WDR4: variants seen among roughly 807,000 people sequenced by gnomAD.
WDR4 encodes the protein tRNA (guanine-N(7)-)-methyltransferase non-catalytic subunit WDR4.
Under a neutral mutation model 48.6 loss-of-function variants are expected in WDR4, and 47 were observed. That is an observed-to-expected ratio of 0.97 (90% CI 0.77 to 1.23). The LOEUF (loss-of-function observed/expected upper bound fraction) is 1.23. Among genes scored for constraint, WDR4 ranks in the 50% most tolerant of loss-of-function variants. The pLI, the probability that WDR4 is intolerant of heterozygous loss-of-function variation, is 0.00. For synonymous variants in WDR4, 268 were observed against 230.0 expected, an observed-to-expected ratio of 1.17 and a Z score of -1.49; for missense variants, 606 against 551.6, an observed-to-expected ratio of 1.10 and a Z score of -0.99.
chr21:42,843,406 CTTTTTTTTTTTTTTTTTT>C (rs532319764), intron 11 of WDR4: 1 of 72,238 alleles, frequency 1.4e-5, no homozygotes, highest in African/African-American at 6.0e-5. Context: ...CACTGGTGTG[CTTTTTTTTTTTTTTTTTT>C]TTTTTTTTGA....
At chr21:42,890,429 G>A in the WDR4 span, among the ~76,000 whole-genome samples, 3 of 151,992 alleles carry the variant, frequency 2.0e-5, no homozygotes, top group Non-Finnish European at 2.9e-5. Flanking sequence ...CCAGCTACTC[G>A]GGAGGTTGAA....
Position 42,879,464 on chromosome 21 carries a change from C to T in WDR4, c.32G>A (p.Gly11Glu), listed in dbSNP as rs575900249. Residue 11 changes from glycine to glutamate, a missense_variant, in exon 1 of 11, where the codon GGG (glycine) becomes GAG (glutamate). Coordinates refer to ENST00000398208, the MANE Select transcript of WDR4 (RefSeq NM_018669.6). Reference sequence around the variant, plus strand: ...GCCGCCCCGCACCACCAACGTCTGCCCGCACAACGCCAGTCCCACAGAGCC... The same window carrying T: ...GCCGCCCCGCACCACCAACGTCTGCTCGCACAACGCCAGTCCCACAGAGCC... MAGSVGLALC[G>E]QTLVVRGGSR... 5.6e-6 allele frequency: 9 copies of T among 1,613,724 alleles called. No individual in the cohort carries two copies. The highest frequency in any genetic ancestry group is 4.0e-5 in the African/African-American group (3 of 75,038).
chr21:42,878,914 G>A (rs1308480763), intron 1 of WDR4: 1 of 975,390 alleles, frequency 1.0e-6, no homozygotes, highest in Non-Finnish European at 1.2e-6. Flanking sequence ...CGGGAAGAGG[G>A]AACAGACAAC....
chr21:42,881,092 G>A, upstream of WDR4, among the ~76,000 whole-genome samples: 1 of 152,136 alleles, frequency 6.6e-6, no homozygotes, highest in East Asian at 1.9e-4. Context: ...TTTTTCAGTG[G>A]AGACGGGGTT....
chr21:42,852,847 G>A (rs1304054003), intron 9 of WDR4, among the ~76,000 whole-genome samples: 7 of 151,986 alleles, frequency 4.6e-5, no homozygotes, highest in Middle Eastern at 3.4e-3. Flanking sequence ...CCCGGGAGGC[G>A]GAGGTCGCGG....
chr21:42,889,687 A>G, the WDR4 span, among the ~76,000 whole-genome samples: 2 of 152,172 alleles, frequency 1.3e-5, no homozygotes, highest in Admixed American at 1.3e-4. Flanking sequence ...ATTTGAAATT[A>G]TGCCTGTAAC....
upstream of WDR4, among the ~76,000 whole-genome samples, chr21:42,881,334 A>C (rs1215760140): frequency 1.3e-5 from 2 of 152,196 alleles, no homozygotes; most frequent in Non-Finnish European, 2.9e-5. Flanking sequence ...CTTGTTACCA[A>C]CTATTGGGTC....
upstream of WDR4, among the ~76,000 whole-genome samples, chr21:42,883,420 T>C (rs1358725564): frequency 6.6e-6 from 1 of 151,534 alleles, no homozygotes; most frequent in African/African-American, 2.4e-5. Flanking sequence ...AAAGACCCAT[T>C]AATTTCATGG....
At chr21:42,873,060 G>A (rs1283612582) in intron 3 of WDR4, among the ~76,000 whole-genome samples, 3 of 152,112 alleles carry the variant, frequency 2.0e-5, no homozygotes, top group East Asian at 1.9e-4. Context: ...CCATCCCCAC[G>A]GATCCACTCC....
upstream of WDR4, among the ~76,000 whole-genome samples, chr21:42,883,170 G>A (rs2058619601): frequency 6.6e-6 from 1 of 150,676 alleles, no homozygotes; most frequent in East Asian, 1.9e-4. Context: ...AGATACTCAG[G>A]AGGCTGAGGT....
At chr21:42,859,640 T>C in intron 6 of WDR4, 22 bp downstream of exon 6, 1 of 1,213,860 alleles carries the variant, frequency 8.2e-7, no homozygotes, top group Non-Finnish European at 1.1e-6. Flanking sequence ...CAGAGGTGAG[T>C]GACGCTGGGC....
chr21:42,848,419 TCACA>T (rs561026268), downstream of WDR4, among the ~76,000 whole-genome samples: 1 of 72,224 alleles, frequency 1.4e-5, no homozygotes, highest in Non-Finnish European at 2.7e-5. Context: ...CGCACCTCAC[TCACA>T]CAGCGCACAA....
chr21:42,859,597 G>GGGCCCCCCCCC, intron 6 of WDR4, 65 bp downstream of exon 6: 1 of 708,190 alleles, frequency 1.4e-6, no homozygotes. Context: ...TCCAGGAGGC[G>GGGCCCCCCCCC]CCCACCCCAC....
chr21:42,861,030 G>A (rs1163307177), intron 5 of WDR4, among the ~76,000 whole-genome samples: 1 of 152,196 alleles, frequency 6.6e-6, no homozygotes, highest in Admixed American at 6.5e-5. Flanking sequence ...TAAACGGGCA[G>A]GCCGGGCACG....
At chr21:42,852,439 C>T (rs2057858422) in intron 9 of WDR4, 115 bp from the exon 10 acceptor site, 2 of 1,181,132 alleles carry the variant, frequency 1.7e-6, no homozygotes, top group Admixed American at 2.3e-5. Flanking sequence ...CTCCTGGTGC[C>T]TGGGGACCCC....
At chr21:42,854,540 T>G in intron 8 of WDR4, 22 bp downstream of exon 8, 1 of 1,610,334 alleles carries the variant, frequency 6.2e-7, no homozygotes, top group Non-Finnish European at 8.5e-7. Flanking sequence ...CCGGAGGCCA[T>G]AGAGGTGCCG....
chr21:42,879,614 T>G, upstream of WDR4: 1 of 1,275,442 alleles, frequency 7.8e-7, no homozygotes, highest in Non-Finnish European at 1.1e-6. Context: ...GTACCGCGCA[T>G]GCTCAAGGAC....
chr21:42,879,582 C>A, upstream of WDR4: 1 of 1,513,914 alleles, frequency 6.6e-7, no homozygotes, highest in South Asian at 1.2e-5. Context: ...GCGCAGACGC[C>A]GAGAGATGAC....
At position 42,862,182 on chromosome 21, in the gene WDR4, G is replaced by C; in HGVS notation, c.566+100C>G. Reference sequence around the variant, plus strand: ...AAGCACGGGGGCTGCTGTCACCCGCGTGGGGCCTCGCCAGCTACAACGGCA... The same window carrying C: ...AAGCACGGGGGCTGCTGTCACCCGCCTGGGGCCTCGCCAGCTACAACGGCA... On this transcript the variant is annotated intron_variant, in intron 5 of 10. Transcript: ENST00000398208. This position sits in a 1 kb window ranked among gnomAD's most constrained non-coding sequence, Gnocchi z 4.3. The C allele has an allele frequency of 9.1e-7, 1 of 1,098,684 alleles. No homozygotes were observed. Among genetic ancestry groups the C allele is most frequent in the South Asian group, 1.5e-5 (1 of 67,914 alleles). 68.1% of individuals were successfully genotyped at this position (1,098,684 alleles called of 1,614,324 possible). A position where few individuals can be genotyped will look rare whatever the true frequency, so the allele number is the denominator to read the frequency against.
Sources: gnomAD v4.1 joint callset for allele counts (sites outside exome capture counted in the v4.1 genomes callset) on GRCh38, gnomAD v4.1.1 for gene constraint, Gnocchi (gnomAD v3.1) non-coding constraint, MANE v1.5 for transcripts, NCBI Gene and HGNC (gene_info 2026-07-23, HGNC 2026-07-21) for gene names.